SHB: variants seen among roughly 807,000 people sequenced by gnomAD.
SHB encodes SH2 domain-containing adapter protein B.
Under a neutral mutation model 52.3 loss-of-function variants are expected in SHB, and 20 were observed. The ratio of observed to expected loss-of-function variants is 0.38; its 90% CI spans 0.27 to 0.56. SHB has a LOEUF of 0.56. Among genes scored for constraint, SHB ranks in the 20% least tolerant of loss-of-function variants. The probability of loss-of-function intolerance (pLI) is 0.71; values close to 1 mark genes in which losing one functional copy is unlikely to be tolerated. For missense variants in SHB, 825 were observed against 723.3 expected (o/e 1.14, Z -1.61); for synonymous variants, 397 against 316.5 (o/e 1.25, Z -2.70).
intron 1 of SHB, among the ~76,000 whole-genome samples, chr9:38,051,417 T>C (rs1001777122): frequency 7.3e-6 from 1 of 137,626 alleles, no homozygotes; most frequent in African/African-American, 2.8e-5. Flanking sequence ...CACTCCAACC[T>C]GGTGACAGAG....
rs367655968 is a variant in SHB at position 38,067,919 on chromosome 9, G to A, written c.717+10C>T. The stretch of plus-strand genomic sequence containing the variant: ...CTGGAACCTCGGGAAGAGGCCAAGG[G>A]GCACCTTACCTTGTCCTTCTTGCCG... On this transcript the variant is annotated intron_variant, in intron 1 of 5. Transcript: ENST00000377707. 30 of 1,498,220 alleles carry A rather than the reference G, an allele frequency of 2.0e-5. No individual in the cohort carries two copies. The highest frequency in any genetic ancestry group is 2.6e-5 in the Non-Finnish European group (30 of 1,134,714). 92.8% of individuals were successfully genotyped at this position (1,498,220 alleles called of 1,614,324 possible).
At chr9:38,022,327 C>G (rs1821291180) in intron 1 of SHB, among the ~76,000 whole-genome samples, 1 of 152,182 alleles carries the variant, frequency 6.6e-6, no homozygotes, top group African/African-American at 2.4e-5. Context: ...AGCAGGTGCA[C>G]AGATGCGACG....
intron 5 of SHB, among the ~76,000 whole-genome samples, chr9:37,929,099 C>T (rs1413858999): frequency 6.6e-6 from 1 of 152,230 alleles, no homozygotes; most frequent in East Asian, 1.9e-4. Flanking sequence ...AGGCTCAGGG[C>T]CACCCAGACC....
chr9:37,998,013 G>A (rs1820970647), intron 2 of SHB, among the ~76,000 whole-genome samples: 1 of 152,244 alleles, frequency 6.6e-6, no homozygotes, highest in Admixed American at 6.5e-5. Context: ...AGCAAGCAGA[G>A]GCAGTGGCAG....
At position 37,978,534 on chromosome 9, in the gene SHB, T is replaced by C. The variant is rs1018936375; in HGVS notation, c.839-3697A>G. On this transcript the variant is annotated intron_variant, in intron 2 of 5. Transcript: ENST00000377707. Reference sequence around the variant, plus strand: ...TGGGAAACCATGCAAGAAATTATGCTAAGCTAAAAAGTAAAATGCAAGATT... The same window carrying C: ...TGGGAAACCATGCAAGAAATTATGCCAAGCTAAAAAGTAAAATGCAAGATT... Among the ~76,000 whole-genome samples, 4 of 152,228 alleles carry C rather than the reference T, an allele frequency of 2.6e-5. No individual in the cohort carries two copies. The South Asian group carries it at 6.2e-4, about 24-fold the overall frequency.
intron 3 of SHB, among the ~76,000 whole-genome samples, chr9:37,964,990 T>G (rs1435517273): frequency 1.3e-5 from 2 of 152,224 alleles, no homozygotes; most frequent in Admixed American, 1.3e-4. Context: ...CCCGACACTT[T>G]CACCTGCAGA....
intron 4 of SHB, among the ~76,000 whole-genome samples, chr9:37,952,247 C>T (rs182497940): frequency 2.0e-3 from 310 of 152,210 alleles, no homozygotes; most frequent in Admixed American, 3.7e-3. Flanking sequence ...ATGAGATGCC[C>T]GCTTAGAAAT....
chr9:38,063,769 G>A (rs1157610931), intron 1 of SHB, among the ~76,000 whole-genome samples: 2 of 151,608 alleles, frequency 1.3e-5, no homozygotes, highest in Non-Finnish European at 2.9e-5. Context: ...CTGCCTAGCA[G>A]GCAGTTTAGA....
At chr9:38,007,068 G>C (rs762124683) in intron 2 of SHB, among the ~76,000 whole-genome samples, 3 of 152,190 alleles carry the variant, frequency 2.0e-5, no homozygotes, top group Non-Finnish European at 4.4e-5. Flanking sequence ...AACTCCATGA[G>C]AACAACTTTG....
intron 2 of SHB, among the ~76,000 whole-genome samples, chr9:37,980,614 A>C (rs116717704): frequency 3.0e-3 from 459 of 152,324 alleles, no homozygotes; most frequent in African/African-American, 0.01. Context: ...AAATGTACTT[A>C]ATGGCTTCTA....
At position 38,010,662 on chromosome 9, in the gene SHB, C is replaced by T. The variant is rs1169076250; in HGVS notation, c.838+5349G>A. 2.0e-5 allele frequency among the ~76,000 whole-genome samples: 3 copies of T among 152,218 alleles called. No individual in the cohort carries two copies. The East Asian group carries it at 5.8e-4, about 29-fold the overall frequency. On this transcript the variant is annotated intron_variant, in intron 2 of 5. Transcript: ENST00000377707. ...TCCCTCCTCTGAACTCCTGGAGAGC[C>T]ACATGCTCATCTCAGTGCACCCACC... is the stretch of plus-strand genomic sequence containing the variant.
chr9:38,061,585 G>C (rs1821892974), intron 1 of SHB, among the ~76,000 whole-genome samples: 1 of 152,218 alleles, frequency 6.6e-6, no homozygotes, highest in Non-Finnish European at 1.5e-5. Flanking sequence ...AGAAACCACA[G>C]CTGTTTCAGA....
At chr9:37,928,491 A>G (rs776009) in intron 5 of SHB, among the ~76,000 whole-genome samples, 86,135 of 152,080 alleles carry the variant, frequency 0.57, 24,622 homozygotes, top group Middle Eastern at 0.64. Flanking sequence ...CTTGGTACAT[A>G]GGTGCTACTG....
intron 2 of SHB, among the ~76,000 whole-genome samples, chr9:37,981,101 CAA>C (rs1362060831): frequency 8.5e-5 from 13 of 152,236 alleles, no homozygotes; most frequent in Admixed American, 7.9e-4. Context: ...TAGTCCCTAA[CAA>C]GAGAGGCAGC....
At chr9:38,056,730 A>G (rs1217870610) in intron 1 of SHB, among the ~76,000 whole-genome samples, 1 of 152,286 alleles carries the variant, frequency 6.6e-6, no homozygotes, top group African/African-American at 2.4e-5. Flanking sequence ...TGCCACATAT[A>G]GAACCAAAAG....
At chr9:37,923,532 A>G (rs531109859) in intron 5 of SHB, among the ~76,000 whole-genome samples, 1 of 152,338 alleles carries the variant, frequency 6.6e-6, no homozygotes, top group South Asian at 2.1e-4. Context: ...ACACACAGCC[A>G]GGAGACATGC....
chr9:37,952,470 T>G (rs754262681), intron 4 of SHB, among the ~76,000 whole-genome samples: 6 of 152,202 alleles, frequency 3.9e-5, no homozygotes, highest in Non-Finnish European at 5.9e-5. Flanking sequence ...GCCCAGTTCT[T>G]GTGCCCAGGA....
rs766476642 is a variant in SHB at position 37,955,846 on chromosome 9, T to C, written c.1226+37A>G. ...AAGAGAGGGCAAAAACTAGGTGAAC[T>C]GGGAGGTGAGGTTGGGCTTTGCTCC... On this transcript the variant is annotated intron_variant, in intron 4 of 5. Coordinates refer to ENST00000377707, the MANE Select transcript of SHB (RefSeq NM_003028.3). 5.0e-6 allele frequency: 8 copies of C among 1,593,748 alleles called. No homozygotes were observed. In the African/African-American group the frequency reaches 5.4e-5, roughly 11 times the overall value.
intron 1 of SHB, among the ~76,000 whole-genome samples, chr9:38,032,325 C>CG (rs1422414180): frequency 4.6e-5 from 7 of 152,320 alleles, no homozygotes; most frequent in Admixed American, 4.6e-4. Flanking sequence ...CAGAAGGCTA[C>CG]GCAGGTTTCA....
Sources: allele counts gnomAD v4.1 joint callset (sites outside exome capture counted in the v4.1 genomes callset), GRCh38; gene constraint gnomAD v4.1.1; transcripts MANE v1.5; gene names NCBI Gene and HGNC (gene_info 2026-07-23, HGNC 2026-07-21).